The following ERBB4 variants were observed in gnomAD, a reference collection of about 807,000 sequenced individuals.
The protein encoded by ERBB4 is receptor tyrosine-protein kinase erbB-4.
Under a neutral mutation model 158.0 loss-of-function variants are expected in ERBB4, and 42 were observed. The ratio of observed to expected loss-of-function variants is 0.27; its 90% CI spans 0.21 to 0.34. ERBB4 has a LOEUF of 0.34. ERBB4 is among the 10% of genes least tolerant of loss of function. The pLI is 1.00. For synonymous variants in ERBB4, 583 were observed against 558.7 expected (o/e 1.04, Z -0.61); for missense variants, 1,333 against 1,624.1 (o/e 0.82, Z 3.08).
intron 3 of ERBB4, among the ~76,000 whole-genome samples, chr2:211,865,673 C>T (rs905548632): frequency 2.0e-5 from 3 of 152,016 alleles, no homozygotes; most frequent in African/African-American, 7.2e-5. Flanking sequence ...TGTTCCATCT[C>T]CCCAAACATA....
intron 2 of ERBB4, among the ~76,000 whole-genome samples, chr2:212,076,590 TAA>T (rs1464649901): frequency 6.6e-6 from 1 of 151,756 alleles, no homozygotes; most frequent in African/African-American, 2.4e-5. Context: ...TTGAAATATA[TAA>T]GTTTTAAAAA....
chr2:211,667,684 C>A (rs993292905), intron 14 of ERBB4, among the ~76,000 whole-genome samples: 1 of 152,104 alleles, frequency 6.6e-6, no homozygotes, highest in African/African-American at 2.4e-5. Flanking sequence ...TTGCAGCACA[C>A]AGAATAAAAC....
chr2:212,257,912 T>C (rs1441170897), intron 1 of ERBB4, among the ~76,000 whole-genome samples: 1 of 152,098 alleles, frequency 6.6e-6, no homozygotes, highest in Non-Finnish European at 1.5e-5. Context: ...ATAAAAACGG[T>C]CCCCAATCTG....
intron 1 of ERBB4, among the ~76,000 whole-genome samples, chr2:212,294,649 C>A (rs2086344378): frequency 6.6e-6 from 1 of 151,954 alleles, no homozygotes; most frequent in African/African-American, 2.4e-5. Context: ...ATATAAAAAA[C>A]TCTTCAAAAA....
Position 211,653,769 on chromosome 2 carries a change from G to A in ERBB4, c.1946+3985C>T, listed in dbSNP as rs568685723. ...GGCTCACTGTAACCTCTGCCTCCCA[G>A]GTTCAAGAGATTCTCCTGCCTCAGC... On this transcript the variant is annotated intron_variant, in intron 16 of 27. Coordinates refer to ENST00000342788, the MANE Select transcript of ERBB4 (RefSeq NM_005235.3). 5.8e-4 allele frequency among the ~76,000 whole-genome samples: 88 copies of A among 152,158 alleles called. 1 individual carries two copies. Among genetic ancestry groups the A allele is most frequent in the African/African-American group, 2.0e-3 (85 of 41,516 alleles).
intron 19 of ERBB4, among the ~76,000 whole-genome samples, chr2:211,602,908 T>G (rs1159020004): frequency 6.6e-6 from 1 of 152,106 alleles, no homozygotes; most frequent in Non-Finnish European, 1.5e-5. Context: ...CCATCCAGAC[T>G]GCAGCATGAG....
At chr2:212,010,117 A>G (rs901658623) in intron 2 of ERBB4, among the ~76,000 whole-genome samples, 2 of 152,122 alleles carry the variant, frequency 1.3e-5, no homozygotes, top group African/African-American at 4.8e-5. Flanking sequence ...ATTGCCCAAG[A>G]CAGTGTTAAG....
Position 211,600,712 on chromosome 2 carries a change from C to T in ERBB4, c.2301+18465G>A, listed in dbSNP as rs77344802. ...AAAGTCACTACATTTGGGGACACCA[C>T]ACACAGTGGAAAATGGGGAAGGGGA... On this transcript the variant is annotated intron_variant, in intron 19 of 27. Coordinates refer to ENST00000342788, the MANE Select transcript of ERBB4 (RefSeq NM_005235.3). Among the ~76,000 whole-genome samples the T allele has an allele frequency of 7.7e-3, 1,168 of 152,250 alleles. 15 individuals carry two copies. The highest frequency in any genetic ancestry group is 0.026 in the African/African-American group (1,068 of 41,542).
At chr2:211,524,511 G>A (rs908955244) in intron 20 of ERBB4, among the ~76,000 whole-genome samples, 3 of 151,940 alleles carry the variant, frequency 2.0e-5, no homozygotes, top group South Asian at 2.1e-4. Flanking sequence ...TGCAGGTCCC[G>A]AGCCCTGCCC....
intron 3 of ERBB4, among the ~76,000 whole-genome samples, chr2:211,925,036 A>T (rs749132618): frequency 6.6e-6 from 1 of 152,182 alleles, no homozygotes; most frequent in Non-Finnish European, 1.5e-5. Flanking sequence ...TAATAGAACA[A>T]TGAATGTTGT....
At chr2:211,506,186 C>G (rs78973725) in intron 20 of ERBB4, among the ~76,000 whole-genome samples, 4,443 of 151,590 alleles carry the variant, frequency 0.029, 237 homozygotes, top group African/African-American at 0.1. Flanking sequence ...CATTATATAA[C>G]AATAAAGAGT....
chr2:211,758,958 T>A (rs1331178595), intron 4 of ERBB4, among the ~76,000 whole-genome samples: 2 of 152,208 alleles, frequency 1.3e-5, no homozygotes, highest in African/African-American at 4.8e-5. Flanking sequence ...TTACGAACCA[T>A]CTCCACTTGT....
At chr2:211,740,434 AATCTTTAC>A (rs751782067) in intron 5 of ERBB4, among the ~76,000 whole-genome samples, 49 of 151,974 alleles carry the variant, frequency 3.2e-4, no homozygotes, top group Non-Finnish European at 4.4e-4. Flanking sequence ...TCAGAAATGA[AATCTTTAC>A]ATGTCTGATA....
At chr2:211,509,360 A>C (rs1015808018) in intron 20 of ERBB4, among the ~76,000 whole-genome samples, 2 of 152,074 alleles carry the variant, frequency 1.3e-5, no homozygotes, top group African/African-American at 4.8e-5. Context: ...ATAAATAAAT[A>C]AACAAATAAA....
chr2:212,271,120 CTT>C (rs1444134795), intron 1 of ERBB4, among the ~76,000 whole-genome samples: 1 of 151,664 alleles, frequency 6.6e-6, no homozygotes, highest in Non-Finnish European at 1.5e-5. Context: ...TATTTGGAAA[CTT>C]GTGAATTTAC....
At chr2:211,490,305 T>C (rs2065307321) in intron 20 of ERBB4, among the ~76,000 whole-genome samples, 1 of 143,744 alleles carries the variant, frequency 7.0e-6, no homozygotes, top group Non-Finnish European at 1.5e-5. Flanking sequence ...AAACTCATTA[T>C]TTCTTTCTTT....
At chr2:211,417,143 C>T (rs73067244) in intron 25 of ERBB4, among the ~76,000 whole-genome samples, 8,518 of 152,066 alleles carry the variant, frequency 0.056, 790 homozygotes, top group African/African-American at 0.2. Context: ...TTTTACATCA[C>T]GCTAGAGTAA....
intron 20 of ERBB4, among the ~76,000 whole-genome samples, chr2:211,465,938 T>C (rs1468260338): frequency 6.6e-6 from 1 of 152,266 alleles, no homozygotes; most frequent in East Asian, 1.9e-4. Context: ...TGGGTCTTAA[T>C]CGGTGCTGAA....
At chr2:211,880,353 A>G (rs533831515) in intron 3 of ERBB4, among the ~76,000 whole-genome samples, 5 of 152,178 alleles carry the variant, frequency 3.3e-5, no homozygotes, top group Non-Finnish European at 7.4e-5. Context: ...ATGTGTGTAT[A>G]TATCTTCCAT....
Sources: allele counts gnomAD v4.1 joint callset (sites outside exome capture counted in the v4.1 genomes callset), GRCh38; gene constraint gnomAD v4.1.1; transcripts MANE v1.5; gene names NCBI Gene and HGNC (gene_info 2026-07-23, HGNC 2026-07-21).